PTPRN2: variants seen among roughly 807,000 people sequenced by gnomAD.
PTPRN2 encodes the protein protein tyrosine phosphatase receptor type N2.
A neutral mutation model predicts 118.8 loss-of-function variants in PTPRN2; 74 were observed. The observed-to-expected ratio is 0.62, with a 90% CI of 0.52 to 0.76. PTPRN2 has a LOEUF of 0.76. Ranked by LOEUF, PTPRN2 falls within the 30% of genes least tolerant of loss-of-function variation. The pLI, the probability that PTPRN2 is intolerant of heterozygous loss-of-function variation, is 0.00. For synonymous variants in PTPRN2, 641 were observed against 608.0 expected, an observed-to-expected ratio of 1.05 and a Z score of -0.80; for missense variants, 1,481 against 1,394.4, an observed-to-expected ratio of 1.06 and a Z score of -0.99.
intron 1 of PTPRN2, among the ~76,000 whole-genome samples, chr7:158,523,799 G>A (rs35141099): frequency 6.3e-5 from 3 of 47,988 alleles, no homozygotes; most frequent in Non-Finnish European, 3.7e-5. Flanking sequence ...GAGTGGAGTC[G>A]TCTGCCCTGG....
At chr7:157,639,859 G>A (rs944807889) in intron 14 of PTPRN2, among the ~76,000 whole-genome samples, 14 of 152,218 alleles carry the variant, frequency 9.2e-5, no homozygotes, top group Admixed American at 3.3e-4. Flanking sequence ...ATGGGAAGAC[G>A]CTTGAAACAT....
intron 11 of PTPRN2, among the ~76,000 whole-genome samples, chr7:158,071,718 G>A (rs1451297384): frequency 4.3e-4 from 60 of 137,950 alleles, no homozygotes; most frequent in African/African-American, 1.2e-3. Flanking sequence ...GCTCCTGGTG[G>A]TGGAGGTGCT....
intron 11 of PTPRN2, among the ~76,000 whole-genome samples, chr7:158,021,680 C>G (rs1806882431): frequency 6.6e-6 from 1 of 151,866 alleles, no homozygotes; most frequent in Non-Finnish European, 1.5e-5. Flanking sequence ...TCCAGCCTGC[C>G]AACCAAGGAG....
intron 9 of PTPRN2, among the ~76,000 whole-genome samples, chr7:158,111,139 G>A (rs762913503): frequency 1.2e-4 from 18 of 152,230 alleles, no homozygotes; most frequent in African/African-American, 3.6e-4. Flanking sequence ...GTGGCCCACC[G>A]TGTGGAGACT....
At chr7:158,273,804 CAGG>C (rs1344774604) in intron 3 of PTPRN2, among the ~76,000 whole-genome samples, 2 of 59,108 alleles carry the variant, frequency 3.4e-5, no homozygotes, top group African/African-American at 5.5e-5. Context: ...GCCGCAGACA[CAGG>C]GGGAGCCGCA....
chr7:158,400,406 G>A (rs984111647), intron 2 of PTPRN2, among the ~76,000 whole-genome samples: 1 of 152,064 alleles, frequency 6.6e-6, no homozygotes, highest in Non-Finnish European at 1.5e-5. Flanking sequence ...CAGACACACA[G>A]CTCCTCAGAA....
intron 21 of PTPRN2, among the ~76,000 whole-genome samples, chr7:157,563,525 A>C (rs1585036627): frequency 8.7e-6 from 1 of 114,880 alleles, no homozygotes; most frequent in Admixed American, 9.0e-5. Flanking sequence ...CACCACACAC[A>C]GCAGATCAGG....
intron 9 of PTPRN2, among the ~76,000 whole-genome samples, chr7:158,114,449 G>A (rs1014541229): frequency 3.0e-4 from 46 of 151,054 alleles, no homozygotes; most frequent in African/African-American, 9.0e-4. Flanking sequence ...GACTAACGTA[G>A]GTCGCTCAGC....
intron 11 of PTPRN2, among the ~76,000 whole-genome samples, chr7:157,960,183 T>C (rs1309396787): frequency 7.1e-6 from 1 of 141,402 alleles, no homozygotes; most frequent in Admixed American, 7.0e-5. Context: ...GGGGGAGGGG[T>C]TGAGGAGTTC....
chr7:157,656,110 G>T (rs990837679), intron 14 of PTPRN2, among the ~76,000 whole-genome samples: 2 of 44,926 alleles, frequency 4.5e-5, no homozygotes, highest in Non-Finnish European at 1.3e-4. Context: ...ACCAGGGACT[G>T]TGTGTGGGGG....
chr7:158,304,440 G>T (rs573015836), intron 3 of PTPRN2, among the ~76,000 whole-genome samples: 8 of 147,894 alleles, frequency 5.4e-5, no homozygotes, highest in African/African-American at 1.7e-4. Flanking sequence ...TGCTAGGGAG[G>T]CATAAGACAC....
Position 158,563,224 on chromosome 7 carries a change from C to T in PTPRN2, c.112+24334G>A, listed in dbSNP as rs1199321200. Among the ~76,000 whole-genome samples the T allele has an allele frequency of 6.6e-6, 1 of 152,190 alleles. No individual in the cohort carries two copies. Among genetic ancestry groups the T allele is most frequent in the East Asian group, 1.9e-4 (1 of 5,200 alleles). ...GGACCACAAGTTTGCAGCTCGAGAC[C>T]TTGTCCAGGGTCCTAAAATGGCTTC... is the stretch of plus-strand genomic sequence containing the variant. On this transcript the variant is annotated intron_variant, in intron 1 of 22. Coordinates refer to ENST00000389418, the MANE Select transcript of PTPRN2 (RefSeq NM_002847.5). This position sits in a 1 kb window ranked among gnomAD's most constrained non-coding sequence, Gnocchi z 5.1.
rs568942490 is a variant in PTPRN2 at position 157,818,317 on chromosome 7, G to A, written c.1788+80356C>T. Among the ~76,000 whole-genome samples, 62 of 152,214 alleles carry A rather than the reference G, an allele frequency of 4.1e-4. No homozygotes were observed. The South Asian group carries it at 0.011, about 28-fold the overall frequency. On this transcript the variant is annotated intron_variant, in intron 12 of 22. Transcript: ENST00000389418. ...CATAGGGAGGGAAGGTGGAGGCTGC[G>A]GTCTAGCAGCAGAGAAACAGATGGG... is the stretch of plus-strand genomic sequence containing the variant.
intron 2 of PTPRN2, among the ~76,000 whole-genome samples, chr7:158,407,536 GGTCCTGCGTCCTGCGTCCTGGGTCCTGT>G (rs1813670461): frequency 1.1e-4 from 1 of 9,306 alleles, no homozygotes; most frequent in Non-Finnish European, 2.0e-4. Context: ...CTGCGTCCTG[GGTCCTGCGTCCTGCGTCCTGGGTCCTGT>G]GTCCTGGGTC....
chr7:157,682,187 G>A (rs1250853096), intron 13 of PTPRN2, among the ~76,000 whole-genome samples: 1 of 152,250 alleles, frequency 6.6e-6, no homozygotes, highest in South Asian at 2.1e-4. Context: ...ATTTCCAGGG[G>A]TGTCTGTGGT....
Position 158,509,272 on chromosome 7 carries a change from C to T in PTPRN2, c.113-19487G>A, listed in dbSNP as rs1275965591. Among the ~76,000 whole-genome samples the T allele has an allele frequency of 1.3e-5, 2 of 152,184 alleles. No homozygotes were observed. Among genetic ancestry groups the T allele is most frequent in the Non-Finnish European group, 2.9e-5 (2 of 68,024 alleles). ...TGCACCATCCACTTCCTTTCCTTGCCGGCCCGTCAGTCACAGCATCGGAAG... is the reference window on the plus strand; with the variant it reads ...TGCACCATCCACTTCCTTTCCTTGCTGGCCCGTCAGTCACAGCATCGGAAG... On this transcript the variant is annotated intron_variant, in intron 1 of 22. Transcript: ENST00000389418. The surrounding 1 kb of genome is among the most constrained non-coding windows in gnomAD (Gnocchi z 4.4).
chr7:158,206,772 C>A (rs1827184880), intron 3 of PTPRN2, among the ~76,000 whole-genome samples: 1 of 151,724 alleles, frequency 6.6e-6, no homozygotes, highest in Admixed American at 6.6e-5. Flanking sequence ...ACGTAGATCA[C>A]AGAACCAAAG....
chr7:157,816,627 T>G (rs1391137403), intron 12 of PTPRN2, among the ~76,000 whole-genome samples: 1 of 152,226 alleles, frequency 6.6e-6, no homozygotes, highest in Non-Finnish European at 1.5e-5. Flanking sequence ...GGGCAGGCAC[T>G]GAAGCCCCCG....
intron 2 of PTPRN2, among the ~76,000 whole-genome samples, chr7:158,407,228 G>GGTCCTGGGTCCTGCGTCCTGGGTCCTGC (rs1813598671): frequency 4.4e-5 from 1 of 22,988 alleles, no homozygotes; most frequent in African/African-American, 1.4e-4. Flanking sequence ...CTGCGTCCTG[G>GGTCCTGGGTCCTGCGTCCTGGGTCCTGC]GTCCTGGGTC....
Sources: gnomAD v4.1 joint callset for allele counts (sites outside exome capture counted in the v4.1 genomes callset) on GRCh38, gnomAD v4.1.1 for gene constraint, Gnocchi (gnomAD v3.1) non-coding constraint, MANE v1.5 for transcripts, NCBI Gene and HGNC (gene_info 2026-07-23, HGNC 2026-07-21) for gene names.